TLK2: variants seen among roughly 807,000 people sequenced by gnomAD.
The protein encoded by TLK2 is tousled like kinase 2, also known as serine/threonine-protein kinase tousled-like 2.
Under a neutral mutation model 117.3 loss-of-function variants are expected in TLK2, and 6 were observed. That is an observed-to-expected ratio of 0.05 (90% CI 0.03 to 0.10). TLK2 has a LOEUF of 0.10. TLK2 is among the 10% of genes least tolerant of loss of function. TLK2 has a pLI of 1.00. For missense variants in TLK2, 299 were observed against 901.2 expected, an observed-to-expected ratio of 0.33 and a Z score of 8.56; for synonymous variants, 257 against 316.7, an observed-to-expected ratio of 0.81 and a Z score of 2.00.
At chr17:62,514,031 T>C (rs1437149270) in intron 2 of TLK2, among the ~76,000 whole-genome samples, 1 of 152,110 alleles carries the variant, frequency 6.6e-6, no homozygotes, top group African/African-American at 2.4e-5. Context: ...TGTGCTAATA[T>C]AGAATGTCTT....
chr17:62,482,446 G>GC (rs1168902919), intron 2 of TLK2, among the ~76,000 whole-genome samples: 4 of 142,624 alleles, frequency 2.8e-5, no homozygotes, highest in African/African-American at 1.0e-4. Flanking sequence ...TAGCTTGATA[G>GC]GGTTTTGTTT....
intron 9 of TLK2, among the ~76,000 whole-genome samples, chr17:62,555,774 G>T (rs1257344235): frequency 6.6e-6 from 1 of 150,978 alleles, no homozygotes; most frequent in Non-Finnish European, 1.5e-5. Flanking sequence ...ACCGCGCCCG[G>T]CTATTATTAT....
At chr17:62,522,807 G>A (rs2076132499) in intron 4 of TLK2, among the ~76,000 whole-genome samples, 1 of 152,112 alleles carries the variant, frequency 6.6e-6, no homozygotes. Context: ...GGAATAGAAA[G>A]CCCAGTCTTG....
intron 2 of TLK2, among the ~76,000 whole-genome samples, chr17:62,498,815 G>T (rs2144899252): frequency 6.6e-6 from 1 of 152,226 alleles, no homozygotes; most frequent in South Asian, 2.1e-4. Flanking sequence ...GCTTGATACT[G>T]GAGCAAAAGT....
chr17:62,502,338 TTAACAC>T (rs1405745354), intron 2 of TLK2, among the ~76,000 whole-genome samples: 1 of 152,172 alleles, frequency 6.6e-6, no homozygotes, highest in Admixed American at 6.6e-5. Context: ...TGACTAACTG[TTAACAC>T]TATTTGTGAT....
At chr17:62,471,865 C>A (rs1598049593) in intron 1 of TLK2, among the ~76,000 whole-genome samples, 1 of 125,188 alleles carries the variant, frequency 8.0e-6, no homozygotes, top group African/African-American at 2.9e-5. Flanking sequence ...AAGAGCGAGG[C>A]ATGGAAGATT....
In TLK2 at chr17:62,590,261, G is replaced by A. The variant is rs1423866184; in HGVS notation, c.1460+4035G>A. ...AGCCTGACCAACATGGTGAAACCCC[G>A]TCTCTACTAAAAATACAAAAAAAGT... On this transcript the variant is annotated intron_variant, in intron 16 of 21. Transcript: ENST00000346027. 2.0e-5 allele frequency among the ~76,000 whole-genome samples: 3 copies of A among 151,416 alleles called. No individual in the cohort carries two copies. The South Asian group carries it at 6.3e-4, about 32-fold the overall frequency.
At chr17:62,502,752 G>A (rs2598129) in intron 2 of TLK2, among the ~76,000 whole-genome samples, 2 of 152,196 alleles carry the variant, frequency 1.3e-5, no homozygotes, top group African/African-American at 4.8e-5. Flanking sequence ...AAGTAAAAGC[G>A]AAAAAGAAAA....
At chr17:62,534,071 G>A (rs1259840952) in intron 6 of TLK2, among the ~76,000 whole-genome samples, 5 of 152,088 alleles carry the variant, frequency 3.3e-5, no homozygotes, top group Non-Finnish European at 7.4e-5. Flanking sequence ...GTATGATACT[G>A]TTTTAGTTAA....
At chr17:62,493,536 T>A (rs1377963923) in intron 2 of TLK2, among the ~76,000 whole-genome samples, 2 of 152,238 alleles carry the variant, frequency 1.3e-5, no homozygotes, top group African/African-American at 2.4e-5. Context: ...CATATTAAAC[T>A]GTACTCTTTT....
intron 2 of TLK2, among the ~76,000 whole-genome samples, chr17:62,498,233 T>G (rs2073881491): frequency 1.3e-5 from 2 of 152,298 alleles, no homozygotes; most frequent in Admixed American, 6.5e-5. Context: ...TTTCAGGTTT[T>G]GGGATATTGG....
chr17:62,536,164 T>C lies in TLK2; in HGVS notation c.364-6T>C, dbSNP rs2077100749. ...GTCATTTGTGTGTTTCTTTACTGTT[T>C]TCCAGCGACGAGTAGAACAGCCCCT... is the stretch of plus-strand genomic sequence containing the variant. On this transcript the variant is annotated splice_polypyrimidine_tract_variant and splice_region_variant and intron_variant, in intron 6 of 21. Coordinates refer to ENST00000346027, the MANE Select transcript of TLK2 (RefSeq NM_006852.6). 1 of 1,610,208 alleles carries C rather than the reference T, an allele frequency of 6.2e-7. No homozygotes were observed. The highest frequency in any genetic ancestry group is 8.5e-7 in the Non-Finnish European group (1 of 1,178,738).
intron 10 of TLK2, among the ~76,000 whole-genome samples, chr17:62,563,693 A>G (rs2079489231): frequency 6.6e-6 from 1 of 152,162 alleles, no homozygotes; most frequent in African/African-American, 2.4e-5. Context: ...TAATATATTT[A>G]GTGGTTATAA....
chr17:62,611,086 T>C (rs1386369220), intron 21 of TLK2, among the ~76,000 whole-genome samples: 1 of 152,136 alleles, frequency 6.6e-6, no homozygotes, highest in African/African-American at 2.4e-5. Flanking sequence ...TACAATGAGC[T>C]ATGATCATGC....
chr17:62,564,771 T>C (rs987588803), intron 10 of TLK2, among the ~76,000 whole-genome samples: 4 of 151,882 alleles, frequency 2.6e-5, no homozygotes, highest in African/African-American at 9.7e-5. Context: ...CATAGGCAGA[T>C]TGGGAAAGCT....
intron 2 of TLK2, among the ~76,000 whole-genome samples, chr17:62,518,839 G>T (rs1306981074): frequency 6.6e-6 from 1 of 152,062 alleles, no homozygotes; most frequent in African/African-American, 2.4e-5. Flanking sequence ...AGGAAAAATT[G>T]CTTTTAAAAT....
At chr17:62,488,932 C>T (rs1232824810) in intron 2 of TLK2, among the ~76,000 whole-genome samples, 2 of 148,784 alleles carry the variant, frequency 1.3e-5, no homozygotes, top group Non-Finnish European at 3.0e-5. Context: ...CTCAAGTGCT[C>T]CTCCCGCCTC....
intron 8 of TLK2, among the ~76,000 whole-genome samples, chr17:62,552,954 A>G (rs1319870567): frequency 6.6e-6 from 1 of 152,204 alleles, no homozygotes; most frequent in Non-Finnish European, 1.5e-5. Flanking sequence ...GTGAGATACC[A>G]ACATGGTTTA....
chr17:62,496,469 A>ATT (rs1453036218), intron 2 of TLK2, among the ~76,000 whole-genome samples: 1 of 152,150 alleles, frequency 6.6e-6, no homozygotes, highest in Non-Finnish European at 1.5e-5. Flanking sequence ...TGCATTTGTG[A>ATT]TTTCAGTAGA....
Sources: gnomAD v4.1 joint callset for allele counts (sites outside exome capture counted in the v4.1 genomes callset) on GRCh38, gnomAD v4.1.1 for gene constraint, MANE v1.5 for transcripts, NCBI Gene and HGNC (gene_info 2026-07-23, HGNC 2026-07-21) for gene names.